TMEM67: variants seen among roughly 807,000 people sequenced by gnomAD.
The protein encoded by TMEM67 is transmembrane protein 67, also known as meckelin.
TMEM67 carries 124 observed loss-of-function variants against 136.6 expected under a neutral mutation model. The ratio of observed to expected loss-of-function variants is 0.91; its 90% CI spans 0.78 to 1.05. TMEM67 has a LOEUF of 1.05. Ranked by LOEUF, TMEM67 falls within the 50% of genes least tolerant of loss-of-function variation. The pLI is 0.00. For synonymous variants in TMEM67, 364 were observed against 390.5 expected, an observed-to-expected ratio of 0.93 and a Z score of 0.80; for missense variants, 1,107 against 1,178.4, an observed-to-expected ratio of 0.94 and a Z score of 0.89.
the TMEM67 span, among the ~76,000 whole-genome samples, chr8:93,829,178 T>C: frequency 2.0e-5 from 3 of 152,190 alleles, no homozygotes; most frequent in Non-Finnish European, 4.4e-5. Flanking sequence ...TTCTTTGCGG[T>C]AGTACACCTG....
intron 1 of TMEM67, 33 bp from the exon 2 acceptor site, chr8:93,755,745 A>C: frequency 7.7e-7 from 1 of 1,298,136 alleles, no homozygotes; most frequent in East Asian, 2.4e-5. Context: ...TCAAGGATAA[A>C]ATTGGCTTTT....
intron 20 of TMEM67, among the ~76,000 whole-genome samples, chr8:93,798,268 C>G (rs1299775124): frequency 6.6e-6 from 1 of 152,142 alleles, no homozygotes; most frequent in Non-Finnish European, 1.5e-5. Flanking sequence ...TATGCTCAGG[C>G]TCACCCTTAG....
At chr8:93,781,977 G>T (rs1813855490) in intron 10 of TMEM67, among the ~76,000 whole-genome samples, 1 of 151,562 alleles carries the variant, frequency 6.6e-6, no homozygotes, top group Non-Finnish European at 1.5e-5. Context: ...GGAGTGCAGT[G>T]GCGCGATCTC....
At chr8:93,790,757 A>G (rs1814339882) in intron 14 of TMEM67, among the ~76,000 whole-genome samples, 4 of 151,516 alleles carry the variant, frequency 2.6e-5, no homozygotes, top group Admixed American at 2.0e-4. Context: ...CCTTCTTGAA[A>G]CTCCCTATTC....
In TMEM67 at chr8:93,795,811, C is replaced by CAA. The variant is rs534766152; in HGVS notation, c.1774-82_1774-81dup. 24 of 1,026,516 alleles carry CAA rather than the reference C, an allele frequency of 2.3e-5. No individual in the cohort carries two copies. The African/African-American group carries it at 2.7e-4, about 12-fold the overall frequency. 63.6% of individuals were successfully genotyped at this position (1,026,516 alleles called of 1,614,324 possible). A position where few individuals can be genotyped will look rare whatever the true frequency, so the allele number is the denominator to read the frequency against. On this transcript the variant is annotated intron_variant, in intron 17 of 27. Coordinates refer to ENST00000453321, the MANE Select transcript of TMEM67 (RefSeq NM_153704.6). ...GCAGCATACTGAGACCCTCCTTTCC[C>CAA]AAAAAAAAACAAAAACGAAAACAAA...
intron 3 of TMEM67, among the ~76,000 whole-genome samples, chr8:93,761,743 A>T (rs1179405134): frequency 6.6e-6 from 1 of 152,258 alleles, no homozygotes; most frequent in Non-Finnish European, 1.5e-5. Flanking sequence ...TTATTCATTC[A>T]TCTACAAATG....
At chr8:93,803,033 A>G (rs1396841212) in intron 21 of TMEM67, among the ~76,000 whole-genome samples, 1 of 152,156 alleles carries the variant, frequency 6.6e-6, no homozygotes, top group Non-Finnish European at 1.5e-5. Context: ...AGGAAGTTTT[A>G]TCTTTTCCTG....
At chr8:93,766,900 C>CAGA (rs1813104157) in intron 6 of TMEM67, among the ~76,000 whole-genome samples, 1 of 152,172 alleles carries the variant, frequency 6.6e-6, no homozygotes, top group Non-Finnish European at 1.5e-5. Context: ...TAACAAGATA[C>CAGA]ATGTCTTCTG....
At chr8:93,814,690 T>C (rs965440745) in intron 26 of TMEM67, among the ~76,000 whole-genome samples, 5 of 151,088 alleles carry the variant, frequency 3.3e-5, no homozygotes, top group African/African-American at 4.9e-5. Context: ...TCTGACTATG[T>C]TGCCTAGGCT....
chr8:93,786,929 A>G (rs1253209013), intron 13 of TMEM67, among the ~76,000 whole-genome samples: 2 of 152,218 alleles, frequency 1.3e-5, no homozygotes, highest in Non-Finnish European at 1.5e-5. Context: ...GTAGTTTGGT[A>G]CTTTGAAGTA....
intron 14 of TMEM67, 142 bp from the exon 15 acceptor site, chr8:93,791,121 T>A: frequency 1.6e-6 from 1 of 614,430 alleles, no homozygotes; most frequent in Non-Finnish European, 2.9e-6. Context: ...TACGTGTAAG[T>A]TAAAGGTCAA....
intron 6 of TMEM67, among the ~76,000 whole-genome samples, chr8:93,766,676 T>G (rs1445955042): frequency 6.6e-6 from 1 of 152,124 alleles, no homozygotes; most frequent in Non-Finnish European, 1.5e-5. Context: ...ATCATTATTG[T>G]TAATATTATT....
Position 93,754,911 on chromosome 8 carries a change from T to G in TMEM67, c.-4T>G, listed in dbSNP as rs80108685. 1.8e-5 allele frequency: 29 copies of G among 1,613,326 alleles called. No individual in the cohort carries two copies. The highest frequency in any genetic ancestry group is 8.5e-6 in the Non-Finnish European group (10 of 1,179,838). On this transcript the variant is annotated 5_prime_UTR_variant, in exon 1 of 28. Coordinates refer to ENST00000453321, the MANE Select transcript of TMEM67 (RefSeq NM_153704.6). Reference sequence around the variant, plus strand: ...GAGGCTGTGAGGCTTCCAGCGTCGGTACCATGGCGACGCGCGGTGGGGCTG... The same window carrying G: ...GAGGCTGTGAGGCTTCCAGCGTCGGGACCATGGCGACGCGCGGTGGGGCTG...
chr8:93,766,335 G>A (rs897550280), intron 6 of TMEM67, among the ~76,000 whole-genome samples: 1 of 152,114 alleles, frequency 6.6e-6, no homozygotes, highest in Non-Finnish European at 1.5e-5. Flanking sequence ...GGCCAGGCTG[G>A]TCTTGAACTC....
intron 7 of TMEM67, among the ~76,000 whole-genome samples, chr8:93,774,949 T>A (rs1813475287): frequency 6.6e-6 from 1 of 152,234 alleles, no homozygotes. Flanking sequence ...TCTTCCACAA[T>A]GGTTGAACTA....
intron 3 of TMEM67, among the ~76,000 whole-genome samples, chr8:93,761,665 G>A (rs1812841097): frequency 6.6e-6 from 1 of 152,148 alleles, no homozygotes; most frequent in South Asian, 2.1e-4. Context: ...TAAAGAGGCA[G>A]TTCTACACAT....
chr8:93,798,149 A>G (rs1349583162), intron 20 of TMEM67, among the ~76,000 whole-genome samples: 3 of 152,168 alleles, frequency 2.0e-5, no homozygotes, highest in African/African-American at 7.2e-5. Context: ...GGCAACCACC[A>G]TTCTATAATA....
intron 14 of TMEM67, among the ~76,000 whole-genome samples, chr8:93,790,588 A>G (rs982664140): frequency 5.3e-5 from 8 of 152,120 alleles, no homozygotes; most frequent in South Asian, 2.1e-4. Context: ...TCTCTTCTTC[A>G]TTTCCCAACC....
intron 23 of TMEM67, among the ~76,000 whole-genome samples, chr8:93,805,522 A>G (rs1815103187): frequency 1.3e-5 from 2 of 150,384 alleles, no homozygotes; most frequent in African/African-American, 4.9e-5. Context: ...TGGAGCTTGC[A>G]GTGAGCCGAG....
Sources: gnomAD v4.1 joint callset for allele counts (sites outside exome capture counted in the v4.1 genomes callset) on GRCh38, gnomAD v4.1.1 for gene constraint, MANE v1.5 for transcripts, NCBI Gene and HGNC (gene_info 2026-07-23, HGNC 2026-07-21) for gene names.